Variants in CCDC178 observed in about 807,000 individuals in gnomAD.
CCDC178 encodes the protein coiled-coil domain-containing protein 178.
CCDC178 carries 126 observed loss-of-function variants against 117.4 expected under a neutral mutation model. That is an observed-to-expected ratio of 1.07 (90% CI 0.93 to 1.24). CCDC178 has a LOEUF of 1.24. CCDC178 is among the 50% of genes most tolerant of loss of function. The pLI is 0.00. For synonymous variants in CCDC178, 283 were observed against 313.4 expected (o/e 0.90, Z 1.02); for missense variants, 1,030 against 986.9 (o/e 1.04, Z -0.59).
At chr18:33,132,742 C>G (rs905979726) in intron 20 of CCDC178, among the ~76,000 whole-genome samples, 2 of 151,588 alleles carry the variant, frequency 1.3e-5, no homozygotes, top group Non-Finnish European at 3.0e-5. Context: ...ATACCATTAA[C>G]AGAGTAATTC....
At chr18:32,998,670 T>C (rs567564840) in intron 21 of CCDC178, among the ~76,000 whole-genome samples, 1 of 152,250 alleles carries the variant, frequency 6.6e-6, no homozygotes, top group Admixed American at 6.5e-5. Context: ...ATCCACCAGA[T>C]TCCAGAGGCT....
At chr18:33,435,473 T>C (rs1286405502) in intron 2 of CCDC178, among the ~76,000 whole-genome samples, 1 of 152,032 alleles carries the variant, frequency 6.6e-6, no homozygotes, top group Non-Finnish European at 1.5e-5. Flanking sequence ...TCAATATATA[T>C]TATATGCTTG....
chr18:33,272,169 C>A (rs1231245761), intron 12 of CCDC178, among the ~76,000 whole-genome samples: 1 of 151,254 alleles, frequency 6.6e-6, no homozygotes, highest in Non-Finnish European at 1.5e-5. Context: ...ATACTGTATA[C>A]ACTAACCAAG....
intron 20 of CCDC178, among the ~76,000 whole-genome samples, chr18:33,101,202 A>G (rs980928973): frequency 6.6e-6 from 1 of 151,392 alleles, no homozygotes; most frequent in African/African-American, 2.4e-5. Context: ...GCCCTTGTTA[A>G]CTATTCCTAT....
Position 33,397,217 on chromosome 18 carries a change from G to T in CCDC178, c.59-9C>A. 6.3e-7 allele frequency: 1 copy of T among 1,589,268 alleles called. No individual in the cohort carries two copies. The highest frequency in any genetic ancestry group is 8.6e-7 in the Non-Finnish European group (1 of 1,161,364). ...TTCCTGACATGTTAAACCTATAAAA[G>T]GTAAAATAAAACAAAATAAAATATC... On this transcript the variant is annotated splice_polypyrimidine_tract_variant and intron_variant, in intron 3 of 22. Transcript: ENST00000383096.
chr18:32,937,938 A>G lies in CCDC178; in HGVS notation c.*73T>C. ...GAAATGGCAAACAGGTGAATGTCCA[A>G]TTACACTGTTATCTGAACTGTGTGA... On this transcript the variant is annotated 3_prime_UTR_variant, in exon 23 of 23. Coordinates refer to ENST00000383096, the MANE Select transcript of CCDC178 (RefSeq NM_001105528.4). 5.9e-6 allele frequency: 7 copies of G among 1,184,810 alleles called. No individual in the cohort carries two copies. In the East Asian group the frequency reaches 7.1e-5, roughly 12 times the overall value. 73.4% of individuals were successfully genotyped at this position (1,184,810 alleles called of 1,614,324 possible). A position where few individuals can be genotyped will look rare whatever the true frequency, so the allele number is the denominator to read the frequency against.
chr18:33,215,569 G>A lies in CCDC178; in HGVS notation c.2059C>T (p.Gln687Ter). ...ACTTACTTTAATATTTCAAGTGTCT[G>A]ATCAAAACTTTTCTTTTCTTCTTCT... The part of the protein sequence containing the change: ...AKEEEKKSFD[Q>*]TLEILKNKFI... Residue 687 changes from glutamine to a stop codon, truncating the protein, a stop_gained, in exon 19 of 23, where the codon CAG becomes TAG. Transcript: ENST00000383096. LOFTEE classifies it high-confidence loss of function. 1 of 1,444,714 alleles carries A rather than the reference G, an allele frequency of 6.9e-7. No homozygotes were observed. Among genetic ancestry groups the A allele is most frequent in the Non-Finnish European group, 9.2e-7 (1 of 1,082,156 alleles). 89.5% of individuals were successfully genotyped at this position (1,444,714 alleles called of 1,614,324 possible).
chr18:33,168,954 C>G (rs2058565559), intron 20 of CCDC178, among the ~76,000 whole-genome samples: 1 of 152,150 alleles, frequency 6.6e-6, no homozygotes, highest in South Asian at 2.1e-4. Flanking sequence ...TGGTTTTTGA[C>G]AGCTATTGTT....
intron 20 of CCDC178, among the ~76,000 whole-genome samples, chr18:33,117,613 C>A (rs1168937591): frequency 1.3e-5 from 2 of 151,914 alleles, no homozygotes; most frequent in East Asian, 3.9e-4. Flanking sequence ...AGGAGATATA[C>A]CTAATGTAAA....
intron 21 of CCDC178, among the ~76,000 whole-genome samples, chr18:33,035,388 G>T (rs1344079541): frequency 6.6e-6 from 1 of 151,786 alleles, no homozygotes; most frequent in Non-Finnish European, 1.5e-5. Flanking sequence ...AATGGATAAA[G>T]AAAATATCAC....
chr18:33,229,586 A>T (rs1177871721), intron 15 of CCDC178, among the ~76,000 whole-genome samples: 1 of 152,170 alleles, frequency 6.6e-6, no homozygotes, highest in Non-Finnish European at 1.5e-5. Flanking sequence ...AAGCACACAA[A>T]GCTGGCAATT....
chr18:33,101,576 G>T (rs1336089796), intron 20 of CCDC178, among the ~76,000 whole-genome samples: 1 of 151,838 alleles, frequency 6.6e-6, no homozygotes, highest in African/African-American at 2.4e-5. Context: ...TTAATGTGCT[G>T]CCTTCTTGGC....
intron 15 of CCDC178, among the ~76,000 whole-genome samples, chr18:33,241,618 T>C (rs1390468233): frequency 6.6e-6 from 1 of 151,334 alleles, no homozygotes; most frequent in Non-Finnish European, 1.5e-5. Context: ...TTACAATAGC[T>C]ATAAAAAATA....
chr18:33,336,576 G>A (rs951382365), intron 9 of CCDC178, among the ~76,000 whole-genome samples: 5 of 152,054 alleles, frequency 3.3e-5, no homozygotes, highest in Admixed American at 3.3e-4. Flanking sequence ...TGAATTAATA[G>A]GTAAAATGAA....
At chr18:32,960,223 T>C (rs2054679725) in intron 22 of CCDC178, among the ~76,000 whole-genome samples, 1 of 152,142 alleles carries the variant, frequency 6.6e-6, no homozygotes, top group Admixed American at 6.6e-5. Context: ...AAGGCTACAC[T>C]TTTTATCCAC....
At chr18:33,426,017 G>A (rs532233313) in intron 2 of CCDC178, among the ~76,000 whole-genome samples, 4 of 152,242 alleles carry the variant, frequency 2.6e-5, no homozygotes, top group African/African-American at 4.8e-5. Context: ...TATATTATGA[G>A]GTAGCAAAGA....
chr18:33,286,441 G>A (rs1458012828), intron 12 of CCDC178, among the ~76,000 whole-genome samples: 1 of 152,040 alleles, frequency 6.6e-6, no homozygotes, highest in East Asian at 1.9e-4. Flanking sequence ...GCTTCTCTAG[G>A]CTGGCTTCCT....
intron 11 of CCDC178, among the ~76,000 whole-genome samples, chr18:33,299,502 A>AACACACACAC (rs71159812): frequency 3.8e-4 from 55 of 146,176 alleles, no homozygotes; most frequent in East Asian, 6.0e-4. Flanking sequence ...AACTAGTATA[A>AACACACACAC]ACACACACAC....
chr18:33,378,384 G>A (rs532699440), intron 5 of CCDC178, among the ~76,000 whole-genome samples: 1 of 152,244 alleles, frequency 6.6e-6, no homozygotes, highest in East Asian at 1.9e-4. Flanking sequence ...TGTCAGCAAA[G>A]GGACAATGAC....
Sources: gnomAD v4.1 joint callset for allele counts (sites outside exome capture counted in the v4.1 genomes callset) on GRCh38, gnomAD v4.1.1 for gene constraint, MANE v1.5 for transcripts, NCBI Gene and HGNC (gene_info 2026-07-23, HGNC 2026-07-21) for gene names.